DIAPH1: variants seen among roughly 807,000 people sequenced by gnomAD.
The protein encoded by DIAPH1 is diaphanous related formin 1.
Under a neutral mutation model 140.7 loss-of-function variants are expected in DIAPH1, and 46 were observed. The ratio of observed to expected loss-of-function variants is 0.33; its 90% CI spans 0.26 to 0.42. The LOEUF (loss-of-function observed/expected upper bound fraction) is 0.42, where lower values mean the gene tolerates loss of function less well. Ranked by LOEUF, DIAPH1 falls within the 10% of genes least tolerant of loss-of-function variation. The pLI is 1.00. For synonymous variants in DIAPH1, 565 were observed against 551.6 expected, an observed-to-expected ratio of 1.02 and a Z score of -0.34; for missense variants, 1,310 against 1,558.7, an observed-to-expected ratio of 0.84 and a Z score of 2.69.
intron 18 of DIAPH1, chr5:141,558,524 A>G (rs1440774193): frequency 3.3e-5 from 5 of 152,174 alleles, no homozygotes; most frequent in African/African-American, 1.2e-4. Flanking sequence ...GGCTTTTCAA[A>G]AACTGTTGAG....
intron 18 of DIAPH1, among the ~76,000 whole-genome samples, chr5:141,547,889 T>G (rs1219564379): frequency 1.3e-5 from 2 of 151,894 alleles, no homozygotes; most frequent in African/African-American, 2.4e-5. Flanking sequence ...CTGCTAAAAA[T>G]CAGAGTTAAA....
chr5:141,554,072 A>C (rs2099892172), intron 18 of DIAPH1, among the ~76,000 whole-genome samples: 1 of 152,202 alleles, frequency 6.6e-6, no homozygotes, highest in Non-Finnish European at 1.5e-5. Flanking sequence ...TGAAGCCAAG[A>C]GTTTGAGATC....
chr5:141,587,960 G>A (rs1162295209), intron 2 of DIAPH1, among the ~76,000 whole-genome samples: 1 of 152,112 alleles, frequency 6.6e-6, no homozygotes, highest in Admixed American at 6.5e-5. Context: ...AGTATTATAG[G>A]GCTTCAAGTG....
At chr5:141,605,484 A>C (rs1211158055) in intron 1 of DIAPH1, among the ~76,000 whole-genome samples, 6 of 152,220 alleles carry the variant, frequency 3.9e-5, no homozygotes, top group Admixed American at 3.9e-4. Flanking sequence ...TCATCATCCA[A>C]TTACCATAGG....
intron 1 of DIAPH1, among the ~76,000 whole-genome samples, chr5:141,594,856 C>T (rs749532131): frequency 6.7e-6 from 1 of 149,392 alleles, no homozygotes; most frequent in African/African-American, 2.5e-5. Context: ...GCCTGGCCAA[C>T]GTTGTGAAAT....
intron 1 of DIAPH1, among the ~76,000 whole-genome samples, chr5:141,608,931 C>CT (rs2099901373): frequency 1.3e-5 from 2 of 152,292 alleles, no homozygotes; most frequent in Admixed American, 1.3e-4. Flanking sequence ...GTTACCACTA[C>CT]TTGTGGCTCT....
In DIAPH1 at chr5:141,583,224, T is replaced by C. The variant is rs1452015634; in HGVS notation, c.602A>G (p.Glu201Gly). Residue 201 changes from glutamate (E) to glycine (G), a missense_variant, in exon 6 of 28, where the codon GAG becomes GGG. This residue lies in a region of DIAPH1 where 377 missense variants were observed against 497.1 expected (regional missense o/e 0.76). Transcript: ENST00000389054. ...LLDILKRLHD[E>G]KEETAGSYDS... ...TCCTCACCCAGCAGTCTCTTCTTTCTCATCATGAAGTCGTTTAAGAATGTC... is the reference window on the plus strand; with the variant it reads ...TCCTCACCCAGCAGTCTCTTCTTTCCCATCATGAAGTCGTTTAAGAATGTC... 21 of 1,614,216 alleles carry C rather than the reference T, an allele frequency of 1.3e-5. No homozygotes were observed. The highest frequency in any genetic ancestry group is 1.7e-5 in the Non-Finnish European group (20 of 1,180,026).
chr5:141,587,435 A>G, intron 2 of DIAPH1: 1 of 546,390 alleles, frequency 1.8e-6, no homozygotes, highest in Non-Finnish European at 3.3e-6. Flanking sequence ...TAAGATTTCA[A>G]ACCTCTTTAA....
In DIAPH1 at chr5:141,594,769, G is replaced by A. The variant is rs180761913; in HGVS notation, c.118-6519C>T. 6.0e-4 allele frequency among the ~76,000 whole-genome samples: 91 copies of A among 151,812 alleles called. No individual in the cohort carries two copies. In the South Asian group the frequency reaches 7.9e-3, roughly 13 times the overall value. ...AAAAAAGGAAAAGGCGGCCAGGTGC[G>A]GTGGCTCATGCCTGTAATCCCAGCA... On this transcript the variant is annotated intron_variant, in intron 1 of 27. Coordinates refer to ENST00000389054, the MANE Select transcript of DIAPH1 (RefSeq NM_005219.5).
At chr5:141,592,093 A>AG (rs1236090289) in intron 1 of DIAPH1, among the ~76,000 whole-genome samples, 1 of 151,038 alleles carries the variant, frequency 6.6e-6, no homozygotes, top group Non-Finnish European at 1.5e-5. Context: ...AAAAAAAAAA[A>AG]AAAGAAAGAA....
intron 13 of DIAPH1, 57 bp from the exon 14 acceptor site, chr5:141,576,351 C>A (rs1008011808): frequency 8.0e-7 from 1 of 1,254,380 alleles, no homozygotes; most frequent in African/African-American, 1.5e-5. Flanking sequence ...CTATTTCTTT[C>A]ACACTACACC....
intron 1 of DIAPH1, among the ~76,000 whole-genome samples, chr5:141,613,259 A>G (rs2099902125): frequency 6.6e-6 from 1 of 152,154 alleles, no homozygotes; most frequent in Non-Finnish European, 1.5e-5. Context: ...AATTTAAACA[A>G]ATATTTAAAG....
Position 141,574,052 on chromosome 5 carries a change from G to A in DIAPH1, c.1798C>T (p.Pro600Ser). The change falls in exon 16 of 28, where the codon CCT becomes TCT. Residue 600 changes from proline to serine, a missense_variant. Coordinates refer to ENST00000389054, the MANE Select transcript of DIAPH1 (RefSeq NM_005219.5). ...GGAGTGGTACTATCCCCAGGAGCAG[G>A]TGGTGGTGGAATAATAGTGCCAGAG... ...GDSGTIIPPP[P>S]APGDSTTPPP... 1 of 1,601,156 alleles carries A rather than the reference G, an allele frequency of 6.2e-7. No homozygotes were observed. The highest frequency in any genetic ancestry group is 8.5e-7 in the Non-Finnish European group (1 of 1,173,622).
Position 141,534,463 on chromosome 5 carries a change from T to C in DIAPH1, c.2483-30A>G, listed in dbSNP as rs375605784. The C allele has an allele frequency of 1.5e-3, 2,432 of 1,593,020 alleles. 9 individuals are homozygous for C. The highest frequency in any genetic ancestry group is 0.01 in the Middle Eastern group (63 of 6,006). ...CAGGGAAAAGATTAGAAAAGCATGA[T>C]TAAAAGTAAGCCACCTCTGTGCTTT... On this transcript the variant is annotated intron_variant, in intron 18 of 27. Transcript: ENST00000389054.
rs1286609288 is a variant in DIAPH1, at chr5:141,565,935, G to C, written c.2482+5493C>G. Among the ~76,000 whole-genome samples, 1 of 152,198 alleles carries C rather than the reference G, an allele frequency of 6.6e-6. No individual in the cohort carries two copies. The highest frequency in any genetic ancestry group is 1.5e-5 in the Non-Finnish European group (1 of 68,036). On this transcript the variant is annotated intron_variant, in intron 18 of 27. Transcript: ENST00000389054. The surrounding 1 kb of genome is among the most constrained non-coding windows in gnomAD (Gnocchi z 4.3). ...GCCATGTTCAGTTGCACAGCTACAGGAGCAGGACAAAGACAGAAAAGGAAT... is the reference window on the plus strand; with the variant it reads ...GCCATGTTCAGTTGCACAGCTACAGCAGCAGGACAAAGACAGAAAAGGAAT...
intron 16 of DIAPH1, 140 bp downstream of exon 16, chr5:141,573,352 G>A (rs979303546): frequency 3.9e-5 from 40 of 1,030,534 alleles, no homozygotes; most frequent in South Asian, 1.1e-4. Context: ...GGAGAATGGC[G>A]TGAACCCGGG....
chr5:141,564,396 C>T (rs1286461232), intron 18 of DIAPH1: 1 of 152,178 alleles, frequency 6.6e-6, no homozygotes, highest in Non-Finnish European at 1.5e-5. Context: ...GATCCATGTG[C>T]CATCTGGTGG....
chr5:141,538,036 C>A lies in DIAPH1; in HGVS notation c.2483-3603G>T, dbSNP rs536639724. Among the ~76,000 whole-genome samples the A allele has an allele frequency of 2.0e-5, 3 of 151,078 alleles. No homozygotes were observed. In the East Asian group the frequency reaches 5.8e-4, roughly 29 times the overall value. On this transcript the variant is annotated intron_variant, in intron 18 of 27. Transcript: ENST00000389054. ...CTTCCCAGGTAGCTGAGACTACAGG[C>A]ATGAGCCACCATGCCTGGCTGTTTT...
rs763180074 is a variant in DIAPH1, at chr5:141,580,676, T to C, written c.824+68A>G. 94 of 1,545,910 alleles carry C rather than the reference T, an allele frequency of 6.1e-5. 1 individual carries two copies. The highest frequency in any genetic ancestry group is 2.8e-4 in the Admixed American group (17 of 59,856). On this transcript the variant is annotated intron_variant, in intron 8 of 27. Coordinates refer to ENST00000389054, the MANE Select transcript of DIAPH1 (RefSeq NM_005219.5). ...CCGAGAGGACACCCAACCAACTCAA[T>C]TGTCCTCTGAACTAAGAGAAAATGA...
Sources: gnomAD v4.1 joint callset for allele counts (sites outside exome capture counted in the v4.1 genomes callset) on GRCh38, gnomAD v4.1.1 for gene constraint, gnomAD v4.1.1 regional missense constraint, Gnocchi (gnomAD v3.1) non-coding constraint, MANE v1.5 for transcripts, NCBI Gene and HGNC (gene_info 2026-07-23, HGNC 2026-07-21) for gene names.